AKAP13: variants seen among roughly 807,000 people sequenced by gnomAD.
AKAP13 encodes the protein A-kinase anchoring protein 13.
A neutral mutation model predicts 264.5 loss-of-function variants in AKAP13; 80 were observed. The observed-to-expected ratio is 0.30, with a 90% CI of 0.25 to 0.36. AKAP13 has a LOEUF of 0.36. Among genes scored for constraint, AKAP13 ranks in the 10% least tolerant of loss-of-function variants. AKAP13 has a pLI of 1.00. For missense variants in AKAP13, 3,712 were observed against 3,435.2 expected (o/e 1.08, Z -2.01); for synonymous variants, 1,380 against 1,250.2 (o/e 1.10, Z -2.19).
intron 1 of AKAP13, among the ~76,000 whole-genome samples, chr15:85,409,485 C>CT (rs1022638619): frequency 5.3e-5 from 8 of 151,008 alleles, no homozygotes; most frequent in African/African-American, 2.0e-4. Flanking sequence ...GTCCATTACC[C>CT]TTTTTTTAAA....
At chr15:85,532,629 A>G (rs56225218) in intron 3 of AKAP13, among the ~76,000 whole-genome samples, 2,722 of 152,348 alleles carry the variant, frequency 0.018, 36 homozygotes, top group Middle Eastern at 0.034. Flanking sequence ...GTGTGAAAAC[A>G]GGGGAAATAG....
At chr15:85,636,468 T>C (rs2082074527) in intron 8 of AKAP13, among the ~76,000 whole-genome samples, 1 of 152,354 alleles carries the variant, frequency 6.6e-6, no homozygotes, top group African/African-American at 2.4e-5. Context: ...TGGTTACTGA[T>C]CTCAGAATGA....
At chr15:85,619,673 C>T (rs745937822) in intron 8 of AKAP13, 1 of 989,286 alleles carries the variant, frequency 1.0e-6, no homozygotes, top group Non-Finnish European at 1.2e-6. Context: ...TTATTGCCTT[C>T]TTGGGTTTTT....
At chr15:85,721,602 C>T (rs1018759278) in intron 23 of AKAP13, among the ~76,000 whole-genome samples, 4 of 152,202 alleles carry the variant, frequency 2.6e-5, no homozygotes, top group Non-Finnish European at 5.9e-5. Flanking sequence ...TCTAACTTAT[C>T]AAGGTCAGAT....
At chr15:85,494,891 TGAA>T (rs1391155533) in intron 2 of AKAP13, among the ~76,000 whole-genome samples, 1 of 151,818 alleles carries the variant, frequency 6.6e-6, no homozygotes, top group African/African-American at 2.4e-5. Context: ...AATTGGAAGA[TGAA>T]GAAGAGAGGA....
At chr15:85,707,226 G>A (rs1000973429) in intron 17 of AKAP13, among the ~76,000 whole-genome samples, 5 of 152,188 alleles carry the variant, frequency 3.3e-5, no homozygotes, top group African/African-American at 7.2e-5. Context: ...TTATAGCAGC[G>A]CTGAGAGCTG....
At chr15:85,638,127 G>A (rs2082148434) in intron 8 of AKAP13, among the ~76,000 whole-genome samples, 1 of 151,672 alleles carries the variant, frequency 6.6e-6, no homozygotes, top group African/African-American at 2.4e-5. Flanking sequence ...CTTGTGATCC[G>A]CCCGCCTCAG....
At chr15:85,454,453 G>A (rs532112757) in intron 1 of AKAP13, among the ~76,000 whole-genome samples, 3 of 152,216 alleles carry the variant, frequency 2.0e-5, no homozygotes, top group East Asian at 3.9e-4. Context: ...TCCCAGGTGC[G>A]CTGTTTTCCT....
intron 5 of AKAP13, among the ~76,000 whole-genome samples, chr15:85,559,763 C>T (rs1474068242): frequency 6.6e-6 from 1 of 151,336 alleles, no homozygotes; most frequent in East Asian, 1.9e-4. Flanking sequence ...GCTGTAAATA[C>T]AGATGAAGCT....
chr15:85,471,517 CAAAA>C (rs980836043), intron 1 of AKAP13, among the ~76,000 whole-genome samples: 16 of 152,186 alleles, frequency 1.1e-4, no homozygotes, highest in African/African-American at 3.4e-4. Context: ...AACAAACAAA[CAAAA>C]AACTGCTTTA....
At chr15:85,660,031 C>G (rs2083266291) in intron 12 of AKAP13, among the ~76,000 whole-genome samples, 1 of 152,174 alleles carries the variant, frequency 6.6e-6, no homozygotes. Context: ...AGACCATCTG[C>G]AGCTTCCTTC....
At chr15:85,470,466 AAAAC>A (rs2074920634) in intron 1 of AKAP13, among the ~76,000 whole-genome samples, 1 of 152,236 alleles carries the variant, frequency 6.6e-6, no homozygotes, top group Admixed American at 6.5e-5. Flanking sequence ...ACTGCTTTAT[AAAAC>A]AAACATGTTT....
In AKAP13 at chr15:85,579,126, C is replaced by G. The variant is rs777424937; in HGVS notation, c.1058C>G (p.Pro353Arg). Residue 353 changes from proline to arginine, a missense_variant, in exon 7 of 37, where the codon CCC (proline) becomes CGC (arginine). Around this residue, in one of 3 missense-constraint regions of AKAP13, gnomAD observed 2,759 missense variants for 2,411.7 expected, o/e 1.14. Transcript: ENST00000394518. Reference protein sequence around the residue: ...PGSPVAQTESPCDLSSIVEEE... With the variant: ...PGSPVAQTESRCDLSSIVEEE... ...AGCCCTGTTGCACAGACTGAAAGTC[C>G]CTGTGATTTGTCAAGCATAGTTGAG... 1 of 1,614,062 alleles carries G rather than the reference C, an allele frequency of 6.2e-7. No individual in the cohort carries two copies. Among genetic ancestry groups the G allele is most frequent in the East Asian group, 2.2e-5 (1 of 44,870 alleles).
chr15:85,400,985 C>A (rs1051251843), intron 1 of AKAP13, among the ~76,000 whole-genome samples: 1 of 151,824 alleles, frequency 6.6e-6, no homozygotes, highest in Non-Finnish European at 1.5e-5. Flanking sequence ...CCTCAACCTC[C>A]CAAGTAGCTG....
chr15:85,639,239 C>T, intron 8 of AKAP13, 135 bp from the exon 9 acceptor site: 1 of 596,344 alleles, frequency 1.7e-6, no homozygotes, highest in Non-Finnish European at 2.9e-6. Flanking sequence ...AAATTTTTTT[C>T]CCTTGACATA....
chr15:85,445,182 A>G (rs2073856333), intron 1 of AKAP13, among the ~76,000 whole-genome samples: 1 of 152,218 alleles, frequency 6.6e-6, no homozygotes, highest in Non-Finnish European at 1.5e-5. Flanking sequence ...TGTTTAAAAG[A>G]TGCTGGATAA....
intron 1 of AKAP13, among the ~76,000 whole-genome samples, chr15:85,428,780 C>G (rs2072906621): frequency 6.6e-6 from 1 of 152,174 alleles, no homozygotes; most frequent in Non-Finnish European, 1.5e-5. Context: ...AACAAAAATA[C>G]CCCTGAGAAA....
At chr15:85,492,762 CTTAATT>C (rs2075766473) in intron 2 of AKAP13, among the ~76,000 whole-genome samples, 1 of 152,054 alleles carries the variant, frequency 6.6e-6, no homozygotes, top group Non-Finnish European at 1.5e-5. Flanking sequence ...TCTTTAGTCT[CTTAATT>C]TTATTTTGTA....
chr15:85,562,871 GTTTTTTTT>G (rs71141408), intron 5 of AKAP13, among the ~76,000 whole-genome samples: 1 of 133,912 alleles, frequency 7.5e-6, no homozygotes, highest in African/African-American at 2.8e-5. Flanking sequence ...GGTTTTTTTT[GTTTTTTTT>G]TTTTTTGTAT....
Sources: allele counts gnomAD v4.1 joint callset (sites outside exome capture counted in the v4.1 genomes callset), GRCh38; gene constraint gnomAD v4.1.1; regional missense constraint gnomAD v4.1.1; transcripts MANE v1.5; gene names NCBI Gene and HGNC (gene_info 2026-07-23, HGNC 2026-07-21).